The following HSF5 variants were observed in gnomAD, a reference collection of about 807,000 sequenced individuals.
The protein encoded by HSF5 is heat shock factor protein 5.
A neutral mutation model predicts 50.8 loss-of-function variants in HSF5; 5 were observed. That is an observed-to-expected ratio of 0.10 (90% CI 0.05 to 0.21). HSF5 has a LOEUF of 0.21. Ranked by LOEUF, HSF5 falls within the 10% of genes least tolerant of loss-of-function variation. The probability of loss-of-function intolerance (pLI) is 1.00; values close to 1 mark genes in which losing one functional copy is unlikely to be tolerated. For missense variants in HSF5, 564 were observed against 762.6 expected (o/e 0.74, Z 3.07); for synonymous variants, 307 against 307.4 (o/e 1.00, Z 0.02).
In HSF5 at chr17:58,488,341, G is replaced by T. The variant is rs1198954446; in HGVS notation, c.-67C>A. ...CCCACACCGTTCTCGATCCCTCCCC[G>T]GCCTTCGCCTCGCCCTGCCCGCTCC... On this transcript the variant is annotated 5_prime_UTR_variant, in exon 1 of 6. Coordinates refer to ENST00000323777, the MANE Select transcript of HSF5 (RefSeq NM_001080439.3). This position sits in a 1 kb window ranked among gnomAD's most constrained non-coding sequence, Gnocchi z 4.1. 7.3e-7 allele frequency: 1 copy of T among 1,371,654 alleles called. No homozygotes were observed. 85.0% of individuals were successfully genotyped at this position (1,371,654 alleles called of 1,614,324 possible).
Position 58,488,063 on chromosome 17 carries a change from A to T in HSF5, c.212T>A (p.Leu71His). The T allele has an allele frequency of 6.3e-7, 1 of 1,594,092 alleles. No homozygotes were observed. The highest frequency in any genetic ancestry group is 8.5e-7 in the Non-Finnish European group (1 of 1,174,190). ...GCTGGTGAAGCTGGTGGTTTTGAAG[A>T]GCTCGGGCTCGGCCCCGGCCCCCGC... is the stretch of plus-strand genomic sequence containing the variant. ...GTAGAGAEPE[L>H]FKTTSFTSFI... is the part of the protein sequence containing the mutation. The change falls in exon 1 of 6, where the codon CTC becomes CAC. Residue 71 changes from leucine (L) to histidine (H), a missense_variant. By Grantham distance (99) the Leu-to-His change is moderately conservative (BLOSUM62 -3). Around this residue, in one of 5 missense-constraint regions of HSF5, gnomAD observed 72 missense variants for 110.9 expected, o/e 0.65. Coordinates refer to ENST00000323777, the MANE Select transcript of HSF5 (RefSeq NM_001080439.3). The surrounding 1 kb of genome is among the most constrained non-coding windows in gnomAD (Gnocchi z 4.1).
chr17:58,448,133 C>CAAAAAA (rs33943640), intron 5 of HSF5, among the ~76,000 whole-genome samples: 2 of 82,040 alleles, frequency 2.4e-5, no homozygotes, highest in Non-Finnish European at 4.6e-5. Context: ...GAACCTGTCT[C>CAAAAAA]AAAAAAAAAA....
intron 5 of HSF5, among the ~76,000 whole-genome samples, chr17:58,426,835 T>G (rs1295341164): frequency 2.6e-5 from 4 of 152,204 alleles, no homozygotes; most frequent in Non-Finnish European, 4.4e-5. Flanking sequence ...TAAGTCAGCA[T>G]GTACTCAAAA....
At chr17:58,422,488 G>T in intron 5 of HSF5, 58 bp from the exon 6 acceptor site, 1 of 1,380,606 alleles carries the variant, frequency 7.2e-7, no homozygotes, top group South Asian at 1.2e-5. Context: ...CTATAGACAA[G>T]TTTTCAGACA....
chr17:58,483,472 A>C (rs1975128190), intron 1 of HSF5, among the ~76,000 whole-genome samples: 1 of 152,228 alleles, frequency 6.6e-6, no homozygotes, highest in African/African-American at 2.4e-5. Flanking sequence ...TGTCTTCAAA[A>C]TATCTTTAAG....
intron 5 of HSF5, among the ~76,000 whole-genome samples, chr17:58,448,221 G>T (rs963793758): frequency 1.1e-4 from 16 of 148,278 alleles, no homozygotes; most frequent in Non-Finnish European, 3.0e-5. Flanking sequence ...AAGGAACAAA[G>T]AATGCCTATA....
chr17:58,429,185 T>C (rs1193212468), intron 5 of HSF5, among the ~76,000 whole-genome samples: 1 of 152,212 alleles, frequency 6.6e-6, no homozygotes, highest in African/African-American at 2.4e-5. Context: ...TATAAAACAT[T>C]CAGAATAAGT....
intron 5 of HSF5, among the ~76,000 whole-genome samples, chr17:58,431,810 T>C (rs187072727): frequency 3.3e-5 from 5 of 152,298 alleles, no homozygotes; most frequent in African/African-American, 1.2e-4. Context: ...TGAGGGTGGT[T>C]TGACTTCCCA....
chr17:58,460,532 C>T (rs1312938638), intron 4 of HSF5, among the ~76,000 whole-genome samples: 5 of 144,556 alleles, frequency 3.5e-5, no homozygotes, highest in Admixed American at 1.4e-4. Flanking sequence ...TTTTTTGAGA[C>T]GGAGTCTCGC....
intron 5 of HSF5, among the ~76,000 whole-genome samples, chr17:58,446,158 G>GAAAT (rs1567909130): frequency 6.8e-6 from 1 of 147,322 alleles, no homozygotes; most frequent in African/African-American, 2.6e-5. Flanking sequence ...AAAAAAAAAG[G>GAAAT]TTAAAATGGG....
chr17:58,477,342 G>A (rs990226224), intron 2 of HSF5, among the ~76,000 whole-genome samples: 15 of 151,140 alleles, frequency 9.9e-5, no homozygotes, highest in Non-Finnish European at 2.1e-4. Context: ...GGCTGGTCTC[G>A]AACTCCTGAC....
chr17:58,446,666 G>A (rs747870359), intron 5 of HSF5, among the ~76,000 whole-genome samples: 7 of 152,180 alleles, frequency 4.6e-5, no homozygotes, highest in Admixed American at 1.3e-4. Context: ...GTGGCAGGCA[G>A]GCCAGAGCAA....
At chr17:58,426,962 A>G (rs1974303274) in intron 5 of HSF5, among the ~76,000 whole-genome samples, 1 of 152,198 alleles carries the variant, frequency 6.6e-6, no homozygotes, top group Non-Finnish European at 1.5e-5. Flanking sequence ...TTATGAAAAA[A>G]AAATGTTGGC....
chr17:58,473,347 C>T (rs1002051602), intron 2 of HSF5, among the ~76,000 whole-genome samples: 1 of 151,732 alleles, frequency 6.6e-6, no homozygotes, highest in Non-Finnish European at 1.5e-5. Context: ...GAAAAAAAGG[C>T]AAAGTTGATT....
chr17:58,447,714 C>T (rs1974579279), intron 5 of HSF5, among the ~76,000 whole-genome samples: 1 of 152,136 alleles, frequency 6.6e-6, no homozygotes, highest in African/African-American at 2.4e-5. Context: ...TGACCACAGG[C>T]TTAGGGAACT....
In HSF5 at chr17:58,480,762, GCTAT is replaced by G. The variant is rs59278255; in HGVS notation, c.551-499_551-496del. 4.2e-3 allele frequency among the ~76,000 whole-genome samples: 611 copies of G among 146,480 alleles called. 4 individuals are homozygous for G. The highest frequency in any genetic ancestry group is 0.011 in the East Asian group (54 of 4,962). ...GATAAAAAAAAAAGTAACGCTCTTT[GCTAT>G]CTATCTATCTATCTATCTATCTATC... On this transcript the variant is annotated intron_variant, in intron 1 of 5. Coordinates refer to ENST00000323777, the MANE Select transcript of HSF5 (RefSeq NM_001080439.3).
At chr17:58,449,799 G>C (rs1448625984) in intron 5 of HSF5, among the ~76,000 whole-genome samples, 2 of 150,506 alleles carry the variant, frequency 1.3e-5, no homozygotes, top group African/African-American at 4.9e-5. Context: ...CGAGGCGGGC[G>C]GATCACGAGG....
At chr17:58,446,828 G>A (rs1311827217) in intron 5 of HSF5, among the ~76,000 whole-genome samples, 1 of 152,154 alleles carries the variant, frequency 6.6e-6, no homozygotes, top group Non-Finnish European at 1.5e-5. Context: ...AGAGACTACT[G>A]TGTAAAAGAG....
intron 2 of HSF5, among the ~76,000 whole-genome samples, chr17:58,469,559 G>A (rs1262142924): frequency 6.6e-6 from 1 of 152,106 alleles, no homozygotes; most frequent in East Asian, 1.9e-4. Flanking sequence ...GTCCTATTTT[G>A]TATAGTCAAC....
Sources: allele counts gnomAD v4.1 joint callset (sites outside exome capture counted in the v4.1 genomes callset), GRCh38; gene constraint gnomAD v4.1.1; regional missense constraint gnomAD v4.1.1; non-coding constraint Gnocchi (gnomAD v3.1); transcripts MANE v1.5; gene names NCBI Gene and HGNC (gene_info 2026-07-23, HGNC 2026-07-21).